Variants in MYO16 observed in about 807,000 individuals in gnomAD.
MYO16 encodes the protein myosin XVI.
Under a neutral mutation model 205.3 loss-of-function variants are expected in MYO16, and 94 were observed. The ratio of observed to expected loss-of-function variants is 0.46; its 90% CI spans 0.39 to 0.54. MYO16 has a LOEUF of 0.54. Among genes scored for constraint, MYO16 ranks in the 20% least tolerant of loss-of-function variants. The pLI is 0.00. For synonymous variants in MYO16, 988 were observed against 954.0 expected (o/e 1.04, Z -0.66); for missense variants, 2,315 against 2,387.5 (o/e 0.97, Z 0.63).
chr13:108,576,348 A>G, the MYO16 span, among the ~76,000 whole-genome samples: 1 of 152,184 alleles, frequency 6.6e-6, no homozygotes, highest in Non-Finnish European at 1.5e-5. Flanking sequence ...TCCACGTTGT[A>G]AAGTTCTTTT....
chr13:108,804,108 TG>T (rs1001665445), intron 6 of MYO16, among the ~76,000 whole-genome samples: 1 of 152,144 alleles, frequency 6.6e-6, no homozygotes, highest in Non-Finnish European at 1.5e-5. Flanking sequence ...GCTTCTTCCT[TG>T]GGCCAGTTAC....
the MYO16 span, among the ~76,000 whole-genome samples, chr13:108,541,452 T>C: frequency 6.6e-6 from 1 of 151,692 alleles, no homozygotes; most frequent in Non-Finnish European, 1.5e-5. Context: ...CTATAAGAAA[T>C]ACACTTTTTG....
intron 23 of MYO16, among the ~76,000 whole-genome samples, chr13:109,037,946 G>A (rs1445844903): frequency 6.6e-6 from 1 of 152,130 alleles, no homozygotes; most frequent in Non-Finnish European, 1.5e-5. Context: ...GGAGTTTATT[G>A]AAAGGAAAAG....
intron 34 of MYO16, among the ~76,000 whole-genome samples, chr13:109,187,506 A>T (rs957962478): frequency 6.6e-6 from 1 of 152,214 alleles, no homozygotes; most frequent in Non-Finnish European, 1.5e-5. Context: ...AGCATTTAAT[A>T]GAGTTGTAAA....
intron 27 of MYO16, among the ~76,000 whole-genome samples, chr13:109,056,821 C>T (rs1702318483): frequency 2.0e-5 from 3 of 152,070 alleles, no homozygotes; most frequent in African/African-American, 7.2e-5. Flanking sequence ...AATCAGAAGA[C>T]ATTTGGTAAT....
intron 32 of MYO16, among the ~76,000 whole-genome samples, chr13:109,153,564 G>A (rs1016027955): frequency 3.9e-5 from 6 of 152,220 alleles, no homozygotes; most frequent in African/African-American, 1.4e-4. Context: ...TTTGTGATCA[G>A]CCTGGCCGAC....
intron 28 of MYO16, among the ~76,000 whole-genome samples, chr13:109,104,306 G>C (rs1227821846): frequency 6.6e-6 from 1 of 152,160 alleles, no homozygotes; most frequent in Middle Eastern, 3.2e-3. Context: ...CACTTATACC[G>C]TTTATTCATC....
chr13:108,759,626 C>T (rs1238440426), intron 4 of MYO16, among the ~76,000 whole-genome samples: 3 of 152,016 alleles, frequency 2.0e-5, no homozygotes, highest in Non-Finnish European at 4.4e-5. Context: ...TTGAGACCAT[C>T]CTGGCTAACA....
At chr13:108,559,470 CTTTTTTT>C in the MYO16 span, among the ~76,000 whole-genome samples, 2 of 87,426 alleles carry the variant, frequency 2.3e-5, no homozygotes, top group East Asian at 3.5e-4. Context: ...TTTTTCTTTT[CTTTTTTT>C]TTTTTTTTTT....
At chr13:108,646,246 G>A (rs183930038) in intron 1 of MYO16, among the ~76,000 whole-genome samples, 1 of 152,278 alleles carries the variant, frequency 6.6e-6, no homozygotes, top group Admixed American at 6.5e-5. Flanking sequence ...CATCCATGAT[G>A]TAGTTTTTAG....
Position 109,023,235 on chromosome 13 carries a change from G to A in MYO16, c.2796+3324G>A, listed in dbSNP as rs182451266. Among the ~76,000 whole-genome samples the A allele has an allele frequency of 2.4e-3, 247 of 101,210 alleles. 2 individuals are homozygous for A. The highest frequency in any genetic ancestry group is 9.6e-3 in the African/African-American group (231 of 23,968). The allele number at this position is 101,210 out of a possible 152,430, so 66.4% of individuals were successfully genotyped here. On this transcript the variant is annotated intron_variant, in intron 23 of 34. Coordinates refer to ENST00000457511, the MANE Select transcript of MYO16 (RefSeq NM_001198950.3). ...TATGTATATATTTATATATTATACA[G>A]ATATAAATATATATATTTATATATT...
rs958020545 is a variant in MYO16 at position 109,153,722 on chromosome 13, G to A, written c.5165-11179G>A. ...TGCAGTGAGCCGAGACTGCAGCACT[G>A]CACTCCAGCCTGGGCGACAGGGCGA... On this transcript the variant is annotated intron_variant, in intron 32 of 34. Coordinates refer to ENST00000457511, the MANE Select transcript of MYO16 (RefSeq NM_001198950.3). Among the ~76,000 whole-genome samples, 6 of 152,244 alleles carry A rather than the reference G, an allele frequency of 3.9e-5. No homozygotes were observed. In the South Asian group the frequency reaches 6.2e-4, roughly 16 times the overall value.
intron 2 of MYO16, among the ~76,000 whole-genome samples, chr13:108,704,694 C>T (rs1250315399): frequency 6.6e-6 from 1 of 151,860 alleles, no homozygotes; most frequent in African/African-American, 2.4e-5. Flanking sequence ...AACCTAATCA[C>T]CCAAAGTCCA....
intron 6 of MYO16, among the ~76,000 whole-genome samples, chr13:108,798,337 G>A (rs1886853493): frequency 6.6e-6 from 1 of 152,124 alleles, no homozygotes; most frequent in Non-Finnish European, 1.5e-5. Flanking sequence ...GCAAAAGAGA[G>A]GAAACTAACA....
At chr13:108,615,526 A>G (rs1025475617) in intron 1 of MYO16, among the ~76,000 whole-genome samples, 1 of 152,156 alleles carries the variant, frequency 6.6e-6, no homozygotes, top group Non-Finnish European at 1.5e-5. Context: ...ATTCTTCACA[A>G]TAGCAAAAGA....
At chr13:109,128,668 A>G (rs145788255) in intron 31 of MYO16, among the ~76,000 whole-genome samples, 49 of 151,980 alleles carry the variant, frequency 3.2e-4, no homozygotes, top group African/African-American at 1.1e-3. Context: ...GTTTTGAAGT[A>G]TATGTACATT....
At chr13:109,182,814 TATTA>T (rs759922456) in intron 34 of MYO16, among the ~76,000 whole-genome samples, 4 of 152,222 alleles carry the variant, frequency 2.6e-5, no homozygotes, top group Non-Finnish European at 4.4e-5. Context: ...ATTATAACTT[TATTA>T]ATTTGAAAAC....
chr13:109,027,906 T>C (rs1051299655), intron 23 of MYO16, among the ~76,000 whole-genome samples: 1 of 152,154 alleles, frequency 6.6e-6, no homozygotes, highest in African/African-American at 2.4e-5. Flanking sequence ...ACTTTTGCCA[T>C]ATATTCAGAG....
intron 7 of MYO16, among the ~76,000 whole-genome samples, chr13:108,811,024 G>A (rs889071650): frequency 6.6e-6 from 1 of 152,116 alleles, no homozygotes; most frequent in Non-Finnish European, 1.5e-5. Flanking sequence ...TTCGTGAGTT[G>A]TACGTGAAGT....
Sources: gnomAD v4.1 joint callset for allele counts (sites outside exome capture counted in the v4.1 genomes callset) on GRCh38, gnomAD v4.1.1 for gene constraint, MANE v1.5 for transcripts, NCBI Gene and HGNC (gene_info 2026-07-23, HGNC 2026-07-21) for gene names.